Variants in MAOB observed in about 807,000 individuals in gnomAD.
MAOB encodes the protein amine oxidase [flavin-containing] B.
Under a neutral mutation model 41.9 loss-of-function variants are expected in MAOB, and 15 were observed. The ratio of observed to expected loss-of-function variants is 0.36; its 90% CI spans 0.24 to 0.55. The LOEUF (loss-of-function observed/expected upper bound fraction) is 0.55. MAOB is among the 20% of genes least tolerant of loss of function. The probability of loss-of-function intolerance (pLI) is 0.86; values close to 1 mark genes in which losing one functional copy is unlikely to be tolerated. For synonymous variants in MAOB, 167 were observed against 144.2 expected, an observed-to-expected ratio of 1.16 and a Z score of -1.13; for missense variants, 345 against 398.7, an observed-to-expected ratio of 0.87 and a Z score of 1.15.
At chrX:43,838,070 A>G (rs1393937441) in intron 3 of MAOB, 1 of 309,719 alleles carries the variant, frequency 3.2e-6, no homozygotes, top group East Asian at 9.9e-5. Context: ...AATGTCCAAC[A>G]TTCAGTTCTA....
At chrX:43,805,341 G>A (rs1356456359) in intron 3 of MAOB, among the ~76,000 whole-genome samples, 1 of 111,248 alleles carries the variant, frequency 9.0e-6, no homozygotes, top group Non-Finnish European at 1.9e-5. Flanking sequence ...AATTTAACAT[G>A]CAATTTGGGG....
intron 5 of MAOB, among the ~76,000 whole-genome samples, chrX:43,799,474 C>CA (rs2034567283): frequency 1.8e-5 from 2 of 111,094 alleles, no homozygotes; most frequent in South Asian, 7.5e-4. Context: ...CAATATTTAA[C>CA]AAAAATATTG....
At chrX:43,839,078 T>A (rs2035103362) in intron 2 of MAOB, 73 bp from the exon 3 acceptor site, 3 of 812,716 alleles carry the variant, frequency 3.7e-6, no homozygotes, top group Non-Finnish European at 5.0e-6. Context: ...AGTCCTGAAA[T>A]AAGCAAATCG....
At chrX:43,775,421 C>A in intron 11 of MAOB, 149 bp from the exon 12 acceptor site, 1 of 949,553 alleles carries the variant, frequency 1.1e-6, no homozygotes, top group Non-Finnish European at 1.4e-6. Context: ...AAAGATATGT[C>A]TTTGGGCAGG....
At chrX:43,806,814 G>A (rs2034667497) in intron 3 of MAOB, among the ~76,000 whole-genome samples, 1 of 111,698 alleles carries the variant, frequency 9.0e-6, no homozygotes, top group South Asian at 3.8e-4. Context: ...TATACCTTGT[G>A]TTATAATCTA....
intron 3 of MAOB, among the ~76,000 whole-genome samples, chrX:43,816,395 G>A (rs749251258): frequency 8.9e-6 from 1 of 112,069 alleles, no homozygotes; most frequent in Non-Finnish European, 1.9e-5. Context: ...CCATTGAATT[G>A]TACACTTAAA....
At position 43,803,313 on chromosome X, in the gene MAOB, T is replaced by C. The variant is rs780074639; in HGVS notation, c.371A>G (p.Asp124Gly). 8.7e-7 allele frequency: 1 copy of C among 1,155,979 alleles called. No individual in the cohort carries two copies. The highest frequency in any genetic ancestry group is 1.1e-6 in the Non-Finnish European group (1 of 872,681). The stretch of plus-strand genomic sequence containing the variant: ...AAGAAGCTTTACCTCTCGCCCCATG[T>C]CATCCATTGTCCTCCAAAAGTTGTT... ...DHNNFWRTMD[D>G]MGREIPSDAP... Residue 124 changes from aspartate (D) to glycine (G), a missense_variant, in exon 4 of 15, where the codon GAC becomes GGC. Transcript: ENST00000378069.
intron 1 of MAOB, among the ~76,000 whole-genome samples, chrX:43,877,616 C>T (rs1437361287): frequency 1.8e-5 from 2 of 111,502 alleles, no homozygotes; most frequent in East Asian, 5.6e-4. Context: ...ATGCATTTAT[C>T]TTCTATTGTA....
Position 43,767,336 on chromosome X carries a change from TGGATTTATC to T in MAOB, c.*121_*129del. 1.6e-6 allele frequency: 1 copy of T among 622,438 alleles called. No individual in the cohort carries two copies. Among genetic ancestry groups the T allele is most frequent in the Admixed American group, 3.8e-5 (1 of 26,636 alleles). 51.3% of individuals were successfully genotyped at this position (622,438 alleles called of 1,213,427 possible). On this transcript the variant is annotated 3_prime_UTR_variant, in exon 15 of 15. Coordinates refer to ENST00000378069, the MANE Select transcript of MAOB (RefSeq NM_000898.5). ...ATACCATGTATTTTACAGTCAGAGT[TGGATTTATC>T]TTCATGCTCCCCGCCTCACTCCACA...
rs1422821308 is a variant in MAOB at position 43,811,949 on chromosome X, T to A, written c.280-8545A>T. Among the ~76,000 whole-genome samples the A allele has an allele frequency of 1.5e-4, 17 of 111,211 alleles. 1 individual carries two copies. The highest frequency in any genetic ancestry group is 1.5e-3 in the Admixed American group (16 of 10,508). On this transcript the variant is annotated intron_variant, in intron 3 of 14. Transcript: ENST00000378069. ...TAGGTCTTATTCATTCTTTAACTATTTTTTTTTATCCATTAACCATCCTTA... is the reference window on the plus strand; with the variant it reads ...TAGGTCTTATTCATTCTTTAACTATATTTTTTTATCCATTAACCATCCTTA...
chrX:43,851,072 G>A (rs985275173), intron 1 of MAOB, among the ~76,000 whole-genome samples: 14 of 111,815 alleles, frequency 1.3e-4, no homozygotes, highest in African/African-American at 3.9e-4. Context: ...TATTGTAATC[G>A]TGGAAGACAA....
rs199894155 is a variant in MAOB, at chrX:43,797,242, G to C, written c.501C>G (p.Leu167=). The part of the protein sequence containing the change: ...WTESAKQLAT[L]FVNLCVTAET... ...CTGCAGTGACACACAGGTTCACAAA[G>C]AGAGTGGCAAGCTGCTTTGCAGATC... The change falls in exon 6 of 15, where the codon CTC becomes CTG. Residue 167 remains leucine (L), a synonymous_variant. Coordinates refer to ENST00000378069, the MANE Select transcript of MAOB (RefSeq NM_000898.5). The C allele has an allele frequency of 6.4e-5, 77 of 1,198,710 alleles. No individual in the cohort carries two copies. Among genetic ancestry groups the C allele is most frequent in the Non-Finnish European group, 8.0e-5 (71 of 889,695 alleles).
chrX:43,778,390 G>A (rs1288490170), intron 11 of MAOB, among the ~76,000 whole-genome samples: 1 of 110,540 alleles, frequency 9.0e-6, no homozygotes, highest in African/African-American at 3.3e-5. Context: ...AACAGAACTG[G>A]AAGCAGAGTG....
intron 3 of MAOB, among the ~76,000 whole-genome samples, chrX:43,827,860 A>G (rs766554986): frequency 1.8e-5 from 2 of 111,812 alleles, no homozygotes; most frequent in African/African-American, 6.5e-5. Flanking sequence ...TATCTTTCTA[A>G]CTTATTTATT....
chrX:43,786,247 G>A (rs1414678011), intron 8 of MAOB, among the ~76,000 whole-genome samples: 2 of 111,926 alleles, frequency 1.8e-5, no homozygotes, highest in Non-Finnish European at 3.8e-5. Flanking sequence ...GCAAAATTGA[G>A]GTTGTTTGAA....
chrX:43,864,145 C>T (rs1389125494), intron 1 of MAOB, among the ~76,000 whole-genome samples: 1 of 111,401 alleles, frequency 9.0e-6, no homozygotes, highest in African/African-American at 3.3e-5. Context: ...ACATGTTAAA[C>T]ATAATGTCAA....
Position 43,843,798 on chromosome X carries a change from A to G in MAOB, c.47-34T>C, listed in dbSNP as rs774752973. 6.4e-5 allele frequency: 77 copies of G among 1,201,724 alleles called. 1 individual carries two copies. The Admixed American group carries it at 1.7e-3, about 26-fold the overall frequency. On this transcript the variant is annotated intron_variant, in intron 1 of 14. Transcript: ENST00000378069. ...AAAGACAGTAAGACATCAGGATCAA[A>G]TACAAGGATGCCAGACAAGCTCCTC...
chrX:43,840,020 G>T (rs1057174966), intron 2 of MAOB, among the ~76,000 whole-genome samples: 3 of 112,209 alleles, frequency 2.7e-5, no homozygotes. Flanking sequence ...AGGAAGGGAT[G>T]AGATCCTGGA....
Position 43,882,244 on chromosome X carries a change from C to A in MAOB, c.46+10G>T. The A allele has an allele frequency of 8.3e-7, 1 of 1,209,156 alleles. No individual in the cohort carries two copies. The highest frequency in any genetic ancestry group is 1.1e-6 in the Non-Finnish European group (1 of 894,454). ...GTGAAGAGGAAGGAGGGCGCACAGC[C>A]GCGACTAACCTGAGATGCCGCCCCC... On this transcript the variant is annotated intron_variant, in intron 1 of 14. Coordinates refer to ENST00000378069, the MANE Select transcript of MAOB (RefSeq NM_000898.5).
Sources: gnomAD v4.1 joint callset for allele counts (sites outside exome capture counted in the v4.1 genomes callset) on GRCh38, gnomAD v4.1.1 for gene constraint, MANE v1.5 for transcripts, NCBI Gene and HGNC (gene_info 2026-07-23, HGNC 2026-07-21) for gene names.